Variants in ATP8B4 observed in about 807,000 individuals in gnomAD.
ATP8B4 encodes ATPase phospholipid transporting 8B4 (putative), also known as probable phospholipid-transporting ATPase IM.
Under a neutral mutation model 145.6 loss-of-function variants are expected in ATP8B4, and 133 were observed. The ratio of observed to expected loss-of-function variants is 0.91; its 90% CI spans 0.79 to 1.05. The LOEUF (loss-of-function observed/expected upper bound fraction) is 1.05. Among genes scored for constraint, ATP8B4 ranks in the 50% least tolerant of loss-of-function variants. The pLI is 0.00. For synonymous variants in ATP8B4, 507 were observed against 492.9 expected, an observed-to-expected ratio of 1.03 and a Z score of -0.38; for missense variants, 1,458 against 1,425.2, an observed-to-expected ratio of 1.02 and a Z score of -0.37.
At chr15:50,133,276 G>A (rs1174308459) in intron 1 of ATP8B4, among the ~76,000 whole-genome samples, 4 of 152,126 alleles carry the variant, frequency 2.6e-5, no homozygotes, top group African/African-American at 9.7e-5. Flanking sequence ...ACTTACATGT[G>A]AAATCTAAAA....
At chr15:49,917,162 G>T in intron 19 of ATP8B4, 123 bp from the exon 20 acceptor site, 1 of 803,308 alleles carries the variant, frequency 1.2e-6, no homozygotes, top group Non-Finnish European at 2.0e-6. Flanking sequence ...ATGTCAGAGA[G>T]AGCACAACAG....
intron 23 of ATP8B4, among the ~76,000 whole-genome samples, chr15:49,891,145 C>A (rs1281743941): frequency 6.6e-6 from 1 of 152,002 alleles, no homozygotes; most frequent in Non-Finnish European, 1.5e-5. Flanking sequence ...AGCCCCAAAT[C>A]CCTGAAGGGA....
At chr15:49,940,423 T>G (rs2042074784) in intron 14 of ATP8B4, among the ~76,000 whole-genome samples, 1 of 151,992 alleles carries the variant, frequency 6.6e-6, no homozygotes, top group South Asian at 2.1e-4. Context: ...GGGGTAAGGG[T>G]TGAAGAACTA....
At chr15:50,085,005 G>C (rs576879193) in intron 2 of ATP8B4, among the ~76,000 whole-genome samples, 20 of 152,224 alleles carry the variant, frequency 1.3e-4, no homozygotes, top group African/African-American at 4.8e-4. Flanking sequence ...TGGGGCAAGG[G>C]GTATTATTTT....
At chr15:50,147,944 A>G (rs2044300477) in intron 1 of ATP8B4, among the ~76,000 whole-genome samples, 2 of 152,242 alleles carry the variant, frequency 1.3e-5, no homozygotes, top group African/African-American at 4.8e-5. Flanking sequence ...TATACAATCT[A>G]AAAGTATAAC....
chr15:49,915,831 C>T (rs1195490435), intron 20 of ATP8B4, among the ~76,000 whole-genome samples: 1 of 141,562 alleles, frequency 7.1e-6, no homozygotes, highest in East Asian at 1.9e-4. Flanking sequence ...CACGATATAG[C>T]AGGTTTTTTT....
At chr15:50,169,385 C>T (rs370346888) in intron 1 of ATP8B4, among the ~76,000 whole-genome samples, 8 of 152,186 alleles carry the variant, frequency 5.3e-5, no homozygotes, top group African/African-American at 1.7e-4. Flanking sequence ...AGTACCAGCC[C>T]GGAGTCAGGT....
intron 23 of ATP8B4, among the ~76,000 whole-genome samples, chr15:49,888,472 A>C (rs1298325291): frequency 6.6e-6 from 1 of 152,190 alleles, no homozygotes; most frequent in East Asian, 1.9e-4. Context: ...ACAATGATAA[A>C]TTGTCATCAG....
chr15:50,127,358 T>C (rs567048773), intron 1 of ATP8B4, among the ~76,000 whole-genome samples: 3 of 152,352 alleles, frequency 2.0e-5, no homozygotes, highest in South Asian at 4.1e-4. Context: ...GCAGATTAAC[T>C]GACCCATGTT....
chr15:50,085,154 C>A (rs1325117593), intron 2 of ATP8B4, among the ~76,000 whole-genome samples: 1 of 152,168 alleles, frequency 6.6e-6, no homozygotes, highest in Non-Finnish European at 1.5e-5. Flanking sequence ...CCTCCCTGGC[C>A]TCACATCACC....
chr15:50,133,192 C>A (rs532954906), intron 1 of ATP8B4, among the ~76,000 whole-genome samples: 1 of 152,204 alleles, frequency 6.6e-6, no homozygotes, highest in African/African-American at 2.4e-5. Context: ...TTTGTGACAA[C>A]CTAGATCAGC....
intron 25 of ATP8B4, among the ~76,000 whole-genome samples, chr15:49,870,804 G>C (rs1335672638): frequency 6.6e-6 from 1 of 152,214 alleles, no homozygotes; most frequent in African/African-American, 2.4e-5. Context: ...ATAAAAACAA[G>C]TGGTAATATT....
At chr15:49,988,010 G>C (rs1251557856) in intron 9 of ATP8B4, among the ~76,000 whole-genome samples, 1 of 152,156 alleles carries the variant, frequency 6.6e-6, no homozygotes, top group Non-Finnish European at 1.5e-5. Flanking sequence ...TCACAATCAG[G>C]ATTTCTGAGG....
intron 1 of ATP8B4, among the ~76,000 whole-genome samples, chr15:50,107,323 G>C (rs1423749420): frequency 6.6e-6 from 1 of 152,174 alleles, no homozygotes; most frequent in African/African-American, 2.4e-5. Flanking sequence ...TGAGGTTCCA[G>C]AATCTGCCTT....
chr15:49,972,306 G>A (rs1392457677), intron 13 of ATP8B4, among the ~76,000 whole-genome samples: 3 of 151,972 alleles, frequency 2.0e-5, no homozygotes, highest in Non-Finnish European at 4.4e-5. Flanking sequence ...GCACTGAAAC[G>A]AACTTCAGAG....
chr15:50,038,900 A>T, intron 5 of ATP8B4, 71 bp from the exon 6 acceptor site: 1 of 1,333,950 alleles, frequency 7.5e-7, no homozygotes, highest in South Asian at 1.2e-5. Context: ...GCACACTGGC[A>T]ATACTTTGAG....
chr15:50,083,321 A>G (rs894680256), intron 2 of ATP8B4, among the ~76,000 whole-genome samples: 1 of 150,152 alleles, frequency 6.7e-6, no homozygotes. Flanking sequence ...GTTCTTTTCT[A>G]TCTACATTCT....
intron 1 of ATP8B4, among the ~76,000 whole-genome samples, chr15:50,138,333 GATAGATAGA>G (rs2044156013): frequency 2.1e-4 from 8 of 38,016 alleles, no homozygotes; most frequent in African/African-American, 3.4e-4. Context: ...TAGGTAGATA[GATAGATAGA>G]TAGATAGATA....
At chr15:49,992,032 G>T (rs180743102) in intron 9 of ATP8B4, among the ~76,000 whole-genome samples, 8 of 152,204 alleles carry the variant, frequency 5.3e-5, no homozygotes, top group Non-Finnish European at 1.0e-4. Flanking sequence ...AATAGGCTTT[G>T]CCAGAAGTCC....
Sources: gnomAD v4.1 joint callset for allele counts (sites outside exome capture counted in the v4.1 genomes callset) on GRCh38, gnomAD v4.1.1 for gene constraint, MANE v1.5 for transcripts, NCBI Gene and HGNC (gene_info 2026-07-23, HGNC 2026-07-21) for gene names.